The following TBC1D5 variants were observed in gnomAD, a reference collection of about 807,000 sequenced individuals.
The protein encoded by TBC1D5 is TBC1 domain family member 5.
A neutral mutation model predicts 100.3 loss-of-function variants in TBC1D5; 75 were observed. The ratio of observed to expected loss-of-function variants is 0.75; its 90% CI spans 0.62 to 0.91. The LOEUF (loss-of-function observed/expected upper bound fraction) is 0.91. TBC1D5 is among the 40% of genes least tolerant of loss of function. The pLI is 0.00. For missense variants in TBC1D5, 910 were observed against 942.4 expected (o/e 0.97, Z 0.45); for synonymous variants, 323 against 325.6 (o/e 0.99, Z 0.09).
chr3:17,485,891 G>C (rs2095559873), intron 3 of TBC1D5, among the ~76,000 whole-genome samples: 2 of 152,082 alleles, frequency 1.3e-5, no homozygotes, highest in African/African-American at 4.8e-5. Flanking sequence ...GGTATTTCTA[G>C]TTCTAGATCC....
intron 3 of TBC1D5, among the ~76,000 whole-genome samples, chr3:17,489,146 G>A (rs983272792): frequency 7.2e-5 from 11 of 151,968 alleles, no homozygotes; most frequent in Non-Finnish European, 1.6e-4. Context: ...TGAGTGCAAT[G>A]AGTATCAAAT....
Position 17,406,432 on chromosome 3 carries a change from T to G in TBC1D5, c.262A>C (p.Ser88Arg), listed in dbSNP as rs1348493101. ...TTTCTTCTTACCTTCCAGCAAATGC[T>G]GCGGAACCTGCTGCTTCTCAGCTGC... The change falls in exon 5 of 22, where the codon AGC (serine) becomes CGC (arginine). Residue 88 changes from serine (S) to arginine (R), a missense_variant. Ser to Arg is a moderately radical substitution (Grantham distance 110). Transcript: ENST00000253692. The G allele has an allele frequency of 6.2e-7, 1 of 1,608,790 alleles. No homozygotes were observed. The highest frequency in any genetic ancestry group is 1.3e-5 in the African/African-American group (1 of 74,540).
rs538225094 is a variant in TBC1D5 at position 17,336,701 on chromosome 3, A to G, written c.996-28567T>C. 2.0e-5 allele frequency among the ~76,000 whole-genome samples: 3 copies of G among 150,526 alleles called. No individual in the cohort carries two copies. In the East Asian group the frequency reaches 5.8e-4, roughly 29 times the overall value. ...ACAGTGTAATCCTGAAGCTAAATGTAGCATCACTGAAAAAAAAAAAGATAA... is the reference window on the plus strand; with the variant it reads ...ACAGTGTAATCCTGAAGCTAAATGTGGCATCACTGAAAAAAAAAAAGATAA... On this transcript the variant is annotated intron_variant, in intron 13 of 21. Transcript: ENST00000253692.
chr3:17,486,189 G>T (rs1297280678), intron 3 of TBC1D5, among the ~76,000 whole-genome samples: 1 of 152,018 alleles, frequency 6.6e-6, no homozygotes, highest in Admixed American at 6.6e-5. Flanking sequence ...TGATGGGGTT[G>T]TTTTTTTCTT....
chr3:17,705,613 C>T (rs1426550097), intron 1 of TBC1D5, among the ~76,000 whole-genome samples: 13 of 114,068 alleles, frequency 1.1e-4, no homozygotes, highest in South Asian at 3.7e-4. Flanking sequence ...CCAGATGGGG[C>T]GGCGGGGCAG....
At chr3:17,352,208 A>G (rs1318278835) in intron 13 of TBC1D5, among the ~76,000 whole-genome samples, 1 of 152,116 alleles carries the variant, frequency 6.6e-6, no homozygotes, top group Non-Finnish European at 1.5e-5. Context: ...ACGTAGGTCT[A>G]TGTATTACAA....
At chr3:17,292,069 A>G in intron 14 of TBC1D5, 68 bp from the exon 15 acceptor site, 2 of 1,337,428 alleles carry the variant, frequency 1.5e-6, no homozygotes, top group Non-Finnish European at 2.1e-6. Context: ...TGAGAATATA[A>G]AATCTAACAA....
At chr3:17,252,212 G>C (rs2077236770) in intron 16 of TBC1D5, among the ~76,000 whole-genome samples, 1 of 151,970 alleles carries the variant, frequency 6.6e-6, no homozygotes, top group African/African-American at 2.4e-5. Flanking sequence ...CACAGCTATA[G>C]GTCTTTTAAC....
intron 1 of TBC1D5, among the ~76,000 whole-genome samples, chr3:17,713,026 CCT>C (rs2074890591): frequency 6.6e-6 from 1 of 152,212 alleles, no homozygotes; most frequent in African/African-American, 2.4e-5. Context: ...ATTAACTACC[CCT>C]GACTTAAACC....
chr3:17,668,385 T>C (rs543340520), intron 1 of TBC1D5, among the ~76,000 whole-genome samples: 2 of 152,038 alleles, frequency 1.3e-5, no homozygotes, highest in East Asian at 1.9e-4. Flanking sequence ...TTTTATACTC[T>C]GTGCTATAGC....
chr3:17,428,353 C>T (rs1050477707), intron 4 of TBC1D5, 97 bp downstream of exon 4: 1 of 381,984 alleles, frequency 2.6e-6, no homozygotes, highest in Non-Finnish European at 4.1e-6. Flanking sequence ...AGATCAAAAC[C>T]CTATATAATT....
intron 13 of TBC1D5, among the ~76,000 whole-genome samples, chr3:17,319,005 C>G (rs978717913): frequency 6.6e-6 from 1 of 152,142 alleles, no homozygotes; most frequent in South Asian, 2.1e-4. Context: ...GAACTAAGAA[C>G]TTACAAAGAA....
At chr3:17,703,921 T>C (rs2073578753) in intron 1 of TBC1D5, among the ~76,000 whole-genome samples, 1 of 151,390 alleles carries the variant, frequency 6.6e-6, no homozygotes, top group South Asian at 2.1e-4. Flanking sequence ...TTTGTTTTTT[T>C]TTTTTTAATT....
At chr3:17,557,150 T>G (rs1387226590) in intron 2 of TBC1D5, among the ~76,000 whole-genome samples, 2 of 152,238 alleles carry the variant, frequency 1.3e-5, no homozygotes, top group African/African-American at 4.8e-5. Context: ...TGACTATTTG[T>G]TGGTAAATAG....
chr3:17,207,469 C>T (rs2072360494), intron 18 of TBC1D5, among the ~76,000 whole-genome samples: 1 of 152,140 alleles, frequency 6.6e-6, no homozygotes, highest in Non-Finnish European at 1.5e-5. Flanking sequence ...AAACTTTCTA[C>T]TAGTTTTCAC....
chr3:17,518,615 T>C (rs781188110), intron 2 of TBC1D5, among the ~76,000 whole-genome samples: 7 of 152,232 alleles, frequency 4.6e-5, no homozygotes, highest in African/African-American at 7.2e-5. Context: ...TCATTTTTCC[T>C]GGATGCTGGA....
At chr3:17,653,300 T>C (rs2065758415) in intron 1 of TBC1D5, among the ~76,000 whole-genome samples, 1 of 152,114 alleles carries the variant, frequency 6.6e-6, no homozygotes, top group Non-Finnish European at 1.5e-5. Context: ...TTATGTGAAT[T>C]TTATGTTACC....
In TBC1D5 at chr3:17,176,577, A is replaced by G. The variant is rs146314388; in HGVS notation, c.1852+8532T>C. 5.9e-4 allele frequency among the ~76,000 whole-genome samples: 90 copies of G among 152,252 alleles called. 3 individuals carry two copies. The East Asian group carries it at 0.015, about 25-fold the overall frequency. On this transcript the variant is annotated intron_variant, in intron 19 of 21. Transcript: ENST00000253692. ...AGAAAACCAAACACTGCATGTTCTC[A>G]CTCATAAGAGGGAGCTGAACAACGA...
At chr3:17,252,231 G>C (rs2077239008) in intron 16 of TBC1D5, among the ~76,000 whole-genome samples, 1 of 152,088 alleles carries the variant, frequency 6.6e-6, no homozygotes, top group Non-Finnish European at 1.5e-5. Flanking sequence ...ACTTGCTTAA[G>C]CAATTTTACA....
Sources: gnomAD v4.1 joint callset for allele counts (sites outside exome capture counted in the v4.1 genomes callset) on GRCh38, gnomAD v4.1.1 for gene constraint, MANE v1.5 for transcripts, NCBI Gene and HGNC (gene_info 2026-07-23, HGNC 2026-07-21) for gene names.